DNM2: variants seen among roughly 807,000 people sequenced by gnomAD.
The protein encoded by DNM2 is dynamin-2.
A neutral mutation model predicts 99.0 loss-of-function variants in DNM2; 15 were observed. That is an observed-to-expected ratio of 0.15 (90% CI 0.10 to 0.23). DNM2 has a LOEUF of 0.23. Ranked by LOEUF, DNM2 falls within the 10% of genes least tolerant of loss-of-function variation. DNM2 has a pLI of 1.00. For missense variants in DNM2, 742 were observed against 1,189.4 expected (o/e 0.62, Z 5.53); for synonymous variants, 525 against 481.2 (o/e 1.09, Z -1.19).
At chr19:10,722,890 G>A (rs1319298582) in intron 1 of DNM2, among the ~76,000 whole-genome samples, 2 of 151,860 alleles carry the variant, frequency 1.3e-5, no homozygotes, top group Admixed American at 1.3e-4. Context: ...GTCTCCCAAC[G>A]TGCTGGCATT....
At chr19:10,804,102 G>A (rs1456743611) in intron 12 of DNM2, among the ~76,000 whole-genome samples, 3 of 152,124 alleles carry the variant, frequency 2.0e-5, no homozygotes, top group African/African-American at 4.8e-5. Flanking sequence ...CGCCAGGAGG[G>A]CCCTGCAGGT....
chr19:10,772,729 C>T lies in DNM2; in HGVS notation c.385+101C>T. 6.5e-7 allele frequency: 1 copy of T among 1,548,560 alleles called. No homozygotes were observed. Among genetic ancestry groups the T allele is most frequent in the East Asian group, 2.3e-5 (1 of 43,082 alleles). On this transcript the variant is annotated intron_variant, in intron 3 of 20. Coordinates refer to ENST00000389253, the MANE Select transcript of DNM2 (RefSeq NM_001005361.3). The surrounding 1 kb of genome is among the most constrained non-coding windows in gnomAD (Gnocchi z 4.9). ...ACTTCCACTCATGGGTATCATGTGCCCATTCACAAACAGTTGATATTCACA... is the reference window on the plus strand; with the variant it reads ...ACTTCCACTCATGGGTATCATGTGCTCATTCACAAACAGTTGATATTCACA...
rs1156250779 is a variant in DNM2 at position 10,772,653 on chromosome 19, T to C, written c.385+25T>C. 6.2e-7 allele frequency: 1 copy of C among 1,613,734 alleles called. No homozygotes were observed. Among genetic ancestry groups the C allele is most frequent in the Non-Finnish European group, 8.5e-7 (1 of 1,179,972 alleles). ...GGTAGGCAGCACGGGTGGGGACCCA[T>C]CACTGACCGTTTCTGGTCGTTCATG... On this transcript the variant is annotated intron_variant, in intron 3 of 20. Transcript: ENST00000389253. This position sits in a 1 kb window ranked among gnomAD's most constrained non-coding sequence, Gnocchi z 4.9.
intron 11 of DNM2, 93 bp from the exon 12 acceptor site, chr19:10,802,195 C>A: frequency 1.3e-5 from 19 of 1,411,740 alleles, no homozygotes; most frequent in Non-Finnish European, 1.9e-5. Context: ...GTTCCCACGC[C>A]TTCCCTGCTG....
intron 4 of DNM2, 45 bp from the exon 5 acceptor site, chr19:10,777,073 T>C: frequency 6.2e-7 from 1 of 1,604,928 alleles, no homozygotes; most frequent in Non-Finnish European, 8.5e-7. Context: ...GCTGATGCTC[T>C]TTCCTGGTGG....
At chr19:10,793,084 GA>G (rs1206440588) in intron 7 of DNM2, among the ~76,000 whole-genome samples, 1 of 152,182 alleles carries the variant, frequency 6.6e-6, no homozygotes, top group African/African-American at 2.4e-5. Context: ...TGTCTTTGCA[GA>G]ATTACCATTA....
rs1237781171 is a variant in DNM2 at position 10,765,179 on chromosome 19, C to G, written c.235+5368C>G. Among the ~76,000 whole-genome samples the G allele has an allele frequency of 6.6e-6, 1 of 151,980 alleles. No homozygotes were observed. Among genetic ancestry groups the G allele is most frequent in the Non-Finnish European group, 1.5e-5 (1 of 67,996 alleles). On this transcript the variant is annotated intron_variant, in intron 2 of 20. Transcript: ENST00000389253. The surrounding 1 kb of genome is among the most constrained non-coding windows in gnomAD (Gnocchi z 4.4). ...TTCACCGTGTTAGCCAGGATGGTCT[C>G]GATCTCCTGACCTCGTGATCCGCCC...
intron 1 of DNM2, among the ~76,000 whole-genome samples, chr19:10,743,494 C>T (rs971550404): frequency 4.0e-5 from 6 of 151,154 alleles, no homozygotes; most frequent in East Asian, 2.0e-4. Flanking sequence ...TGCAAAACCC[C>T]GTCTCTACTA....
chr19:10,727,299 G>A (rs1417705191), intron 1 of DNM2, among the ~76,000 whole-genome samples: 1 of 152,158 alleles, frequency 6.6e-6, no homozygotes, highest in African/African-American at 2.4e-5. Flanking sequence ...GTTTCTGGAT[G>A]AGGGCGGAAG....
intron 7 of DNM2, among the ~76,000 whole-genome samples, chr19:10,792,067 G>A (rs1390293535): frequency 3.3e-5 from 5 of 152,132 alleles, no homozygotes; most frequent in East Asian, 1.9e-4. Context: ...CAGCTTGGGC[G>A]ACAGAGTGAG....
intron 7 of DNM2, among the ~76,000 whole-genome samples, chr19:10,792,893 C>G (rs1243211893): frequency 2.0e-5 from 3 of 152,052 alleles, no homozygotes; most frequent in Non-Finnish European, 4.4e-5. Context: ...TAGGTGTGAG[C>G]CACCGTGTCC....
intron 12 of DNM2, chr19:10,803,557 C>T (rs1010157098): frequency 3.8e-5 from 35 of 911,704 alleles, no homozygotes; most frequent in Non-Finnish European, 4.3e-5. Context: ...ACACTTCATC[C>T]ACAGTTCCTT....
intron 13 of DNM2, among the ~76,000 whole-genome samples, chr19:10,807,491 C>T (rs867494626): frequency 2.7e-5 from 4 of 149,282 alleles, no homozygotes; most frequent in African/African-American, 7.4e-5. Flanking sequence ...CCACCCGCCT[C>T]GGCCTCCCAA....
At chr19:10,752,542 C>T (rs747700114) in intron 1 of DNM2, among the ~76,000 whole-genome samples, 10 of 152,318 alleles carry the variant, frequency 6.6e-5, no homozygotes, top group South Asian at 2.1e-4. Flanking sequence ...GGTCCAAAGC[C>T]GGGCCCTGGC....
intron 5 of DNM2, among the ~76,000 whole-genome samples, chr19:10,779,628 C>T (rs547038133): frequency 2.0e-5 from 3 of 150,754 alleles, no homozygotes; most frequent in South Asian, 4.2e-4. Context: ...CGAGCTCAGC[C>T]TCCCAAGTAT....
At chr19:10,767,704 G>A (rs1195692881) in intron 2 of DNM2, among the ~76,000 whole-genome samples, 2 of 152,168 alleles carry the variant, frequency 1.3e-5, no homozygotes, top group Admixed American at 1.3e-4. Flanking sequence ...TCTGGAGTTC[G>A]AGACCAGCCT....
intron 1 of DNM2, among the ~76,000 whole-genome samples, chr19:10,724,756 T>TA (rs1218523666): frequency 1.3e-5 from 2 of 152,244 alleles, no homozygotes; most frequent in African/African-American, 4.8e-5. Context: ...CTGGCCAAGC[T>TA]GAGGGCTCTC....
chr19:10,756,713 T>C (rs886651700), intron 1 of DNM2, among the ~76,000 whole-genome samples: 4 of 151,954 alleles, frequency 2.6e-5, no homozygotes, highest in African/African-American at 7.2e-5. Context: ...GCCTTGCAAG[T>C]GTCTGTAGGG....
intron 14 of DNM2, chr19:10,810,843 C>T (rs555720251): frequency 6.5e-6 from 1 of 153,092 alleles, no homozygotes; most frequent in Non-Finnish European, 1.5e-5. Context: ...CCACCCCGCT[C>T]CCCCCGGGTG....
Sources: gnomAD v4.1 joint callset for allele counts (sites outside exome capture counted in the v4.1 genomes callset) on GRCh38, gnomAD v4.1.1 for gene constraint, Gnocchi (gnomAD v3.1) non-coding constraint, MANE v1.5 for transcripts, NCBI Gene and HGNC (gene_info 2026-07-23, HGNC 2026-07-21) for gene names.